The following RPN2 variants were observed in gnomAD, a reference collection of about 807,000 sequenced individuals.
The protein encoded by RPN2 is ribophorin II, also known as dolichyl-diphosphooligosaccharide--protein glycosyltransferase subunit 2.
In RPN2, 29 loss-of-function variants were observed where a neutral mutation model predicts 71.4. The observed-to-expected ratio is 0.41, with a 90% CI of 0.30 to 0.55. The LOEUF (loss-of-function observed/expected upper bound fraction) is 0.55. RPN2 is among the 20% of genes least tolerant of loss of function. The probability of loss-of-function intolerance (pLI) is 0.35; values close to 1 mark genes in which losing one functional copy is unlikely to be tolerated. For synonymous variants in RPN2, 308 were observed against 305.0 expected, an observed-to-expected ratio of 1.01 and a Z score of -0.10; for missense variants, 726 against 774.1, an observed-to-expected ratio of 0.94 and a Z score of 0.74.
chr20:37,187,971 A>G (rs1316917106), intron 2 of RPN2, among the ~76,000 whole-genome samples: 1 of 151,774 alleles, frequency 6.6e-6, no homozygotes, highest in Admixed American at 6.6e-5. Context: ...ATTCTGTTTT[A>G]TATCTTCTAT....
At position 37,225,821 on chromosome 20, in the gene RPN2, C is replaced by T; in HGVS notation, c.1299+19C>T. The stretch of plus-strand genomic sequence containing the variant: ...TCACCAGGTCAGGAAGACACCTAGA[C>T]AGTTCTCTTAACCTGAAATGTGAAT... On this transcript the variant is annotated intron_variant, in intron 11 of 16. Transcript: ENST00000237530. 6.6e-7 allele frequency: 1 copy of T among 1,507,000 alleles called. No individual in the cohort carries two copies. The highest frequency in any genetic ancestry group is 9.2e-7 in the Non-Finnish European group (1 of 1,082,488). 93.4% of individuals were successfully genotyped at this position (1,507,000 alleles called of 1,614,324 possible).
intron 11 of RPN2, among the ~76,000 whole-genome samples, chr20:37,226,333 A>G (rs765220537): frequency 6.6e-6 from 1 of 152,092 alleles, no homozygotes; most frequent in Non-Finnish European, 1.5e-5. Flanking sequence ...CAGCCTCCCA[A>G]AGTGGTGGGA....
At chr20:37,198,558 G>T (rs1047241608) in intron 3 of RPN2, 66 bp downstream of exon 3, 2 of 1,610,710 alleles carry the variant, frequency 1.2e-6, no homozygotes, top group African/African-American at 2.7e-5. Flanking sequence ...AAGGGGAGGA[G>T]TCATGTCAAA....
chr20:37,205,563 A>G (rs2067493691), intron 6 of RPN2, among the ~76,000 whole-genome samples: 1 of 152,050 alleles, frequency 6.6e-6, no homozygotes, highest in Non-Finnish European at 1.5e-5. Flanking sequence ...TTAGGAGGAG[A>G]GATTTGGGTT....
intron 10 of RPN2, among the ~76,000 whole-genome samples, chr20:37,224,916 T>TTTCC (rs1349458143): frequency 2.0e-5 from 3 of 152,220 alleles, no homozygotes; most frequent in Non-Finnish European, 2.9e-5. Flanking sequence ...AGAGCACTGT[T>TTTCC]TAAGAATCCA....
chr20:37,232,431 G>A (rs375027352), intron 14 of RPN2, 40 bp downstream of exon 14: 29 of 1,608,724 alleles, frequency 1.8e-5, no homozygotes, highest in South Asian at 7.7e-5. Flanking sequence ...TGCGTCTGGC[G>A]CCAGACCCAG....
In RPN2 at chr20:37,217,325, G is replaced by A. The variant is rs548847503; in HGVS notation, c.1092+3460G>A. Among the ~76,000 whole-genome samples, 34 of 149,184 alleles carry A rather than the reference G, an allele frequency of 2.3e-4. 1 individual carries two copies. Among genetic ancestry groups the A allele is most frequent in the Middle Eastern group, 3.6e-3 (1 of 276 alleles). On this transcript the variant is annotated intron_variant, in intron 9 of 16. Transcript: ENST00000237530. Reference sequence around the variant, plus strand: ...TCTTTTTTTTTTGAAACAGAGTCTCGCTCTGTCACCAGGCTGGAATGCAGT... The same window carrying A: ...TCTTTTTTTTTTGAAACAGAGTCTCACTCTGTCACCAGGCTGGAATGCAGT...
intron 14 of RPN2, among the ~76,000 whole-genome samples, chr20:37,233,751 G>C (rs2068310482): frequency 6.6e-6 from 1 of 152,180 alleles, no homozygotes; most frequent in South Asian, 2.1e-4. Context: ...TAAAATAGTA[G>C]GGTTTGTCAT....
chr20:37,200,469 GAATCCC>G (rs762253553), intron 4 of RPN2: 31 of 533,104 alleles, frequency 5.8e-5, no homozygotes, highest in African/African-American at 5.6e-4. Flanking sequence ...CACCGTTCTG[GAATCCC>G]GTTCGTTGTT....
chr20:37,230,961 G>A (rs1301581981), intron 13 of RPN2, among the ~76,000 whole-genome samples: 1 of 151,844 alleles, frequency 6.6e-6, no homozygotes, highest in Non-Finnish European at 1.5e-5. Context: ...TTAGGAACAG[G>A]AGGCTCAAGT....
chr20:37,207,543 C>A (rs900734724), intron 7 of RPN2, 94 bp downstream of exon 7: 15 of 1,192,182 alleles, frequency 1.3e-5, no homozygotes, highest in Non-Finnish European at 1.8e-5. Context: ...CAATTACAGC[C>A]CCTACAAGGA....
At chr20:37,233,425 A>G (rs1300301819) in intron 14 of RPN2, among the ~76,000 whole-genome samples, 1 of 152,222 alleles carries the variant, frequency 6.6e-6, no homozygotes, top group Non-Finnish European at 1.5e-5. Flanking sequence ...GAATTTTGAG[A>G]AAACACTCAT....
chr20:37,204,307 A>G (rs911268467), intron 5 of RPN2, among the ~76,000 whole-genome samples: 1 of 152,200 alleles, frequency 6.6e-6, no homozygotes, highest in Non-Finnish European at 1.5e-5. Context: ...TTGGTTGCCT[A>G]GTCATGTTGC....
At chr20:37,240,572 C>T (rs2068524642) in intron 16 of RPN2, among the ~76,000 whole-genome samples, 1 of 152,166 alleles carries the variant, frequency 6.6e-6, no homozygotes, top group African/African-American at 2.4e-5. Flanking sequence ...CTTGCTGGAG[C>T]CTGCTGGGAT....
chr20:37,189,639 C>T (rs746902725), intron 2 of RPN2, among the ~76,000 whole-genome samples: 44 of 152,228 alleles, frequency 2.9e-4, no homozygotes, highest in Non-Finnish European at 5.1e-4. Flanking sequence ...GGTGAATGTA[C>T]CTCCTGATAA....
intron 12 of RPN2, 43 bp downstream of exon 12, chr20:37,228,787 GC>G (rs1489036660): frequency 1.9e-6 from 3 of 1,595,890 alleles, no homozygotes; most frequent in Non-Finnish European, 2.6e-6. Flanking sequence ...GAGTGGCTGT[GC>G]CCCAGGCACT....
At chr20:37,202,854 T>C (rs1301564070) in intron 4 of RPN2, among the ~76,000 whole-genome samples, 1 of 152,104 alleles carries the variant, frequency 6.6e-6, no homozygotes, top group African/African-American at 2.4e-5. Flanking sequence ...GGCAAATCCG[T>C]AGAGATAGAA....
At chr20:37,216,704 C>G (rs12479772) in intron 9 of RPN2, among the ~76,000 whole-genome samples, 83,928 of 151,790 alleles carry the variant, frequency 0.55, 24,574 homozygotes, top group Middle Eastern at 0.76. Flanking sequence ...TCAAATGATC[C>G]GCCTGCTTTG....
rs2067622283 is a variant in RPN2, at chr20:37,210,148, A to G, written c.969A>G (p.Thr323=). The G allele has an allele frequency of 3.1e-6, 5 of 1,613,962 alleles. No homozygotes were observed. The African/African-American group carries it at 6.7e-5, about 22-fold the overall frequency. ...VASRATVLQK[T]SFTPVGDVFE... Reference sequence around the variant, plus strand: ...CCAGAGCCACTGTCCTCCAGAAGACATCCTTCACCCCTGTAGGGTAAGTCC... The same window carrying G: ...CCAGAGCCACTGTCCTCCAGAAGACGTCCTTCACCCCTGTAGGGTAAGTCC... The change falls in exon 8 of 17, where the codon ACA becomes ACG. Residue 323 remains threonine (T), a synonymous_variant. Transcript: ENST00000237530.
Sources: gnomAD v4.1 joint callset for allele counts (sites outside exome capture counted in the v4.1 genomes callset) on GRCh38, gnomAD v4.1.1 for gene constraint, MANE v1.5 for transcripts, NCBI Gene and HGNC (gene_info 2026-07-23, HGNC 2026-07-21) for gene names.